SH3PXD2B: variants seen among roughly 807,000 people sequenced by gnomAD.
SH3PXD2B encodes SH3 and PX domain-containing protein 2B.
Under a neutral mutation model 73.1 loss-of-function variants are expected in SH3PXD2B, and 37 were observed. That is an observed-to-expected ratio of 0.51 (90% CI 0.39 to 0.67). SH3PXD2B has a LOEUF of 0.67. Ranked by LOEUF, SH3PXD2B falls within the 30% of genes least tolerant of loss-of-function variation. The pLI is 0.00. For missense variants in SH3PXD2B, 1,053 were observed against 1,197.8 expected (o/e 0.88, Z 1.78); for synonymous variants, 457 against 480.5 (o/e 0.95, Z 0.64).
chr5:172,391,948 C>T (rs1042400880), intron 4 of SH3PXD2B, among the ~76,000 whole-genome samples: 2 of 152,012 alleles, frequency 1.3e-5, no homozygotes, highest in East Asian at 1.9e-4. Context: ...ACAGTTTTAG[C>T]TCTTATATTT....
intron 1 of SH3PXD2B, among the ~76,000 whole-genome samples, chr5:172,424,759 AC>A (rs1473709306): frequency 6.6e-6 from 1 of 152,136 alleles, no homozygotes; most frequent in Non-Finnish European, 1.5e-5. Context: ...CAATTTCCTA[AC>A]TCCTGGAGCC....
chr5:172,362,937 T>A, intron 6 of SH3PXD2B, 68 bp from the exon 7 acceptor site: 4 of 1,604,214 alleles, frequency 2.5e-6, no homozygotes, highest in Non-Finnish European at 3.4e-6. Context: ...GTCAGAGCAG[T>A]AGGGCGGGTC....
At chr5:172,358,561 G>A (rs577442995) in intron 8 of SH3PXD2B, among the ~76,000 whole-genome samples, 1 of 152,320 alleles carries the variant, frequency 6.6e-6, no homozygotes, top group South Asian at 2.1e-4. Context: ...CACATAGGTT[G>A]CTACCAAAGG....
rs564001567 is a variant in SH3PXD2B at position 172,333,949 on chromosome 5, T to C, written c.*4420A>G. ...CTGGGGTAAAATGTGGACACCATCG[T>C]TGCATTAGAATTGCTTATTGCTGAT... On this transcript the variant is annotated 3_prime_UTR_variant, in exon 13 of 13. Transcript: ENST00000311601. 1,186 of 1,237,494 alleles carry C rather than the reference T, an allele frequency of 9.6e-4. 2 individuals carry two copies. The highest frequency in any genetic ancestry group is 1.2e-3 in the Non-Finnish European group (1,131 of 970,432). The allele number at this position is 1,237,494 out of a possible 1,614,324, so 76.7% of individuals were successfully genotyped here.
At chr5:172,355,548 C>CTT (rs777611778) in intron 8 of SH3PXD2B, among the ~76,000 whole-genome samples, 2 of 140,260 alleles carry the variant, frequency 1.4e-5, no homozygotes, top group African/African-American at 2.6e-5. Context: ...ATTTTCTTTT[C>CTT]TTTTTTTTTT....
At chr5:172,401,335 A>G (rs1263621151) in intron 3 of SH3PXD2B, among the ~76,000 whole-genome samples, 2 of 152,208 alleles carry the variant, frequency 1.3e-5, no homozygotes, top group African/African-American at 4.8e-5. Flanking sequence ...AAATTAAAGA[A>G]ACAAATTTTT....
At chr5:172,329,540 CTTTTT>C (rs370876232), downstream of SH3PXD2B, among the ~76,000 whole-genome samples, 2 of 106,460 alleles carry the variant, frequency 1.9e-5, no homozygotes, top group Non-Finnish European at 3.7e-5. Flanking sequence ...CTTTGTTATT[CTTTTT>C]TTTTTTTTTT....
chr5:172,416,293 C>T (rs937978791), intron 2 of SH3PXD2B, among the ~76,000 whole-genome samples: 5 of 151,506 alleles, frequency 3.3e-5, no homozygotes, highest in Non-Finnish European at 7.4e-5. Flanking sequence ...GGCGCCACTG[C>T]ACTCCAGCCT....
rs139056435 is a variant in SH3PXD2B at position 172,340,597 on chromosome 5, G to A, written c.1189-681C>T. On this transcript the variant is annotated intron_variant, in intron 12 of 12. Coordinates refer to ENST00000311601, the MANE Select transcript of SH3PXD2B (RefSeq NM_001017995.3). ...TATAGAGTCCACAACACATGAAAGA[G>A]ACCTACCTTTTTTTTGAGACAGAGT... Among the ~76,000 whole-genome samples, 1,084 of 152,132 alleles carry A rather than the reference G, an allele frequency of 7.1e-3. 8 individuals are homozygous for A. Among genetic ancestry groups the A allele is most frequent in the African/African-American group, 0.025 (1,022 of 41,452 alleles).
At chr5:172,452,539 C>G (rs1021680099) in intron 1 of SH3PXD2B, among the ~76,000 whole-genome samples, 1 of 152,198 alleles carries the variant, frequency 6.6e-6, no homozygotes, top group African/African-American at 2.4e-5. Flanking sequence ...AGGCGTGGGA[C>G]CTCACTTTGC....
At chr5:172,350,325 G>A (rs903499709) in intron 10 of SH3PXD2B, 38 bp downstream of exon 10, 30 of 1,601,056 alleles carry the variant, frequency 1.9e-5, no homozygotes, top group Non-Finnish European at 2.4e-5. Flanking sequence ...GGCACACAGG[G>A]GCCCTGATTA....
At chr5:172,405,857 TTC>T (rs1240950610) in intron 3 of SH3PXD2B, among the ~76,000 whole-genome samples, 1 of 152,178 alleles carries the variant, frequency 6.6e-6, no homozygotes, top group Non-Finnish European at 1.5e-5. Context: ...TAGAAAAACT[TTC>T]TGAGTTCGAA....
At chr5:172,403,743 C>A (rs1332865247) in intron 3 of SH3PXD2B, among the ~76,000 whole-genome samples, 1 of 152,212 alleles carries the variant, frequency 6.6e-6, no homozygotes, top group African/African-American at 2.4e-5. Context: ...AAAAAAGCTA[C>A]ATTTGGAGTC....
intron 12 of SH3PXD2B, among the ~76,000 whole-genome samples, chr5:172,341,602 A>G (rs1213653051): frequency 2.0e-5 from 3 of 152,162 alleles, no homozygotes; most frequent in African/African-American, 4.8e-5. Flanking sequence ...ATGCCCAACT[A>G]TGAGTCAAGT....
At chr5:172,417,697 GC>G (rs1758856781) in intron 2 of SH3PXD2B, among the ~76,000 whole-genome samples, 1 of 152,126 alleles carries the variant, frequency 6.6e-6, no homozygotes, top group African/African-American at 2.4e-5. Flanking sequence ...CCAATTCCTA[GC>G]AGCACCCATG....
intron 7 of SH3PXD2B, among the ~76,000 whole-genome samples, chr5:172,362,361 C>T (rs1236205656): frequency 2.6e-5 from 4 of 152,132 alleles, no homozygotes; most frequent in Non-Finnish European, 5.9e-5. Flanking sequence ...ATGCGCCTGT[C>T]CCATTAGAGC....
intron 3 of SH3PXD2B, among the ~76,000 whole-genome samples, chr5:172,398,794 T>C (rs1238654764): frequency 1.3e-5 from 2 of 152,192 alleles, no homozygotes; most frequent in Non-Finnish European, 2.9e-5. Context: ...ATGGGGAGAT[T>C]CCAATCTCCG....
At chr5:172,443,701 G>A (rs1301853934) in intron 1 of SH3PXD2B, among the ~76,000 whole-genome samples, 1 of 152,242 alleles carries the variant, frequency 6.6e-6, no homozygotes, top group Non-Finnish European at 1.5e-5. Context: ...GCCACAGGCT[G>A]CTGATTCACA....
Position 172,334,488 on chromosome 5 carries a change from C to G in SH3PXD2B, c.*3881G>C. ...GGATGTCTGCAGTCTACACAACAGC[C>G]CTGCAGAACGGGCCTGGACAACCCT... On this transcript the variant is annotated 3_prime_UTR_variant, in exon 13 of 13. Transcript: ENST00000311601. The G allele has an allele frequency of 1.0e-6, 1 of 985,792 alleles. No homozygotes were observed. The highest frequency in any genetic ancestry group is 1.2e-6 in the Non-Finnish European group (1 of 830,252). 61.1% of individuals were successfully genotyped at this position (985,792 alleles called of 1,614,324 possible).
Sources: allele counts gnomAD v4.1 joint callset (sites outside exome capture counted in the v4.1 genomes callset), GRCh38; gene constraint gnomAD v4.1.1; transcripts MANE v1.5; gene names NCBI Gene and HGNC (gene_info 2026-07-23, HGNC 2026-07-21).